CXCL17: variants seen among roughly 807,000 people sequenced by gnomAD.
CXCL17 encodes the protein C-X-C motif chemokine ligand 17.
A neutral mutation model predicts 15.5 loss-of-function variants in CXCL17; 9 were observed. The observed-to-expected ratio is 0.58, with a 90% CI of 0.35 to 1.01. The LOEUF is 1.01. Ranked by LOEUF, CXCL17 falls within the 50% of genes least tolerant of loss-of-function variation. CXCL17 has a pLI of 0.02. For missense variants in CXCL17, 133 were observed against 138.2 expected (o/e 0.96, Z 0.19); for synonymous variants, 52 against 52.3 (o/e 0.99, Z 0.02).
intron 1 of CXCL17, among the ~76,000 whole-genome samples, chr19:42,438,144 G>A (rs1216153981): frequency 2.0e-5 from 3 of 151,334 alleles, no homozygotes; most frequent in African/African-American, 7.3e-5. Flanking sequence ...GGATCACGAG[G>A]TCAGGAGATT....
At chr19:42,432,331 G>A (rs1167463668) in intron 3 of CXCL17, among the ~76,000 whole-genome samples, 5 of 151,918 alleles carry the variant, frequency 3.3e-5, no homozygotes, top group African/African-American at 1.2e-4. Flanking sequence ...TTTTAGTAGA[G>A]ACGGGGTTTC....
At chr19:42,439,405 C>T (rs1198050105) in intron 1 of CXCL17, among the ~76,000 whole-genome samples, 1 of 151,488 alleles carries the variant, frequency 6.6e-6, no homozygotes, top group Non-Finnish European at 1.5e-5. Flanking sequence ...AACAATCATC[C>T]ATAGATTCTA....
intron 1 of CXCL17, among the ~76,000 whole-genome samples, chr19:42,440,795 G>C (rs780372951): frequency 6.6e-6 from 1 of 152,188 alleles, no homozygotes; most frequent in Non-Finnish European, 1.5e-5. Context: ...GAGTCTAAAA[G>C]TGTGGCCATG....
At chr19:42,438,382 ATATAT>A (rs1194608016) in intron 1 of CXCL17, among the ~76,000 whole-genome samples, 3 of 50,076 alleles carry the variant, frequency 6.0e-5, no homozygotes, top group African/African-American at 3.4e-4. Context: ...AAAAAAAAAA[ATATAT>A]ATATATATAT....
intron 1 of CXCL17, among the ~76,000 whole-genome samples, chr19:42,438,323 A>G (rs535332901): frequency 7.9e-6 from 1 of 127,192 alleles, no homozygotes; most frequent in Non-Finnish European, 1.6e-5. Context: ...GCACCACTGC[A>G]CTCCAGCCTG....
rs1426490842 is a variant in CXCL17 at position 42,438,378 on chromosome 19, A to G, written c.79+4376T>C. ...TCAAAAAAAAAAAAAAAAAAAAAAA[A>G]AAAATATATATATATATATATATAT... On this transcript the variant is annotated intron_variant, in intron 1 of 3. Transcript: ENST00000601181. Among the ~76,000 whole-genome samples the G allele has an allele frequency of 3.8e-5, 4 of 104,332 alleles. No homozygotes were observed. In the East Asian group the frequency reaches 9.9e-4, roughly 26 times the overall value. 68.4% of individuals were successfully genotyped at this position (104,332 alleles called of 152,430 possible).
intron 1 of CXCL17, among the ~76,000 whole-genome samples, chr19:42,440,011 T>C (rs2040875932): frequency 6.6e-6 from 1 of 152,214 alleles, no homozygotes; most frequent in African/African-American, 2.4e-5. Context: ...AAGATATTGT[T>C]TGAAAACAAT....
chr19:42,432,908 C>T (rs535536751), intron 3 of CXCL17, 68 bp downstream of exon 3: 30 of 1,169,764 alleles, frequency 2.6e-5, no homozygotes, highest in African/African-American at 7.5e-5. Flanking sequence ...CTATTCTCAA[C>T]GTGCTTCTTC....
At position 42,433,805 on chromosome 19, in the gene CXCL17, T is replaced by C. The variant is rs556279461; in HGVS notation, c.131A>G (p.Gln44Arg). The C allele has an allele frequency of 2.5e-6, 4 of 1,614,078 alleles. No individual in the cohort carries two copies. In the East Asian group the frequency reaches 6.7e-5, roughly 27 times the overall value. ...GCACTCACATTCTTGGCCGCCTTCC[T>C]GGAGCCATCTCCTAGAAGCCTGGCC... ...DRGQASRRWL[Q>R]EGGQECECKD... The change falls in exon 2 of 4, where the codon CAG becomes CGG. Residue 44 changes from glutamine (Q) to arginine (R), a missense_variant. Coordinates refer to ENST00000601181, the MANE Select transcript of CXCL17 (RefSeq NM_198477.3).
intron 1 of CXCL17, among the ~76,000 whole-genome samples, chr19:42,442,476 G>A (rs967404223): frequency 7.2e-5 from 11 of 151,952 alleles, no homozygotes; most frequent in South Asian, 2.1e-4. Flanking sequence ...CTTGTAATCC[G>A]CCCTGCCTTG....
chr19:42,436,598 C>T (rs944500538), intron 1 of CXCL17, among the ~76,000 whole-genome samples: 5 of 152,028 alleles, frequency 3.3e-5, no homozygotes, highest in Admixed American at 2.0e-4. Flanking sequence ...TTGTTACCTA[C>T]ATATGCTTTT....
At position 42,442,771 on chromosome 19, in the gene CXCL17, G is replaced by A. The variant is rs145214131; in HGVS notation, c.62C>T (p.Ser21Phe). ...TTGTTTACCTGGATTCAGGCTGCTA[G>A]AGACCATGGACATCAGCATTAGTGG... ...LLPLMLMSMV[S>F]SSLNPGVARG... The change falls in exon 1 of 4, where the codon TCT becomes TTT. Residue 21 changes from serine to phenylalanine, a missense_variant. By Grantham distance (155) the Ser-to-Phe change is radical. Transcript: ENST00000601181. The A allele has an allele frequency of 1.9e-5, 31 of 1,612,626 alleles. No homozygotes were observed. The African/African-American group carries it at 3.5e-4, about 18-fold the overall frequency.
At chr19:42,437,254 T>A (rs2040843324) in intron 1 of CXCL17, among the ~76,000 whole-genome samples, 1 of 152,190 alleles carries the variant, frequency 6.6e-6, no homozygotes, top group Non-Finnish European at 1.5e-5. Context: ...ACTTTTTCTC[T>A]AAACAAATTT....
chr19:42,428,657 TA>T lies in CXCL17; in HGVS notation c.*226del. On this transcript the variant is annotated 3_prime_UTR_variant, in exon 4 of 4. Transcript: ENST00000601181. ...CTGGAATCTTTCAGGTAATTAAGCC[TA>T]AGCCTGGGTAAGGGGAGGGCACAGG... 2 of 442,776 alleles carry T rather than the reference TA, an allele frequency of 4.5e-6. No homozygotes were observed. Among genetic ancestry groups the T allele is most frequent in the African/African-American group, 2.0e-5 (1 of 50,524 alleles). 27.4% of individuals were successfully genotyped at this position (442,776 alleles called of 1,614,324 possible).
intron 1 of CXCL17, among the ~76,000 whole-genome samples, chr19:42,436,976 C>T (rs1045663309): frequency 2.0e-4 from 31 of 152,152 alleles, no homozygotes; most frequent in African/African-American, 6.5e-4. Context: ...CTCACTCTGT[C>T]GCCCAGGCTG....
intron 1 of CXCL17, among the ~76,000 whole-genome samples, chr19:42,440,371 T>A (rs1214368930): frequency 6.6e-6 from 1 of 152,150 alleles, no homozygotes; most frequent in Non-Finnish European, 1.5e-5. Context: ...TATTCTGAGA[T>A]TTATTTTGGG....
At chr19:42,441,239 A>T (rs1252123540) in intron 1 of CXCL17, among the ~76,000 whole-genome samples, 1 of 152,176 alleles carries the variant, frequency 6.6e-6, no homozygotes, top group Non-Finnish European at 1.5e-5. Flanking sequence ...AAGGCAGCAG[A>T]TGATAAGTGC....
chr19:42,442,255 A>T (rs772946596), intron 1 of CXCL17, among the ~76,000 whole-genome samples: 21 of 103,950 alleles, frequency 2.0e-4, no homozygotes, highest in Non-Finnish European at 3.3e-4. Flanking sequence ...TTTTTTTGAG[A>T]TGGAGTCTCA....
intron 3 of CXCL17, among the ~76,000 whole-genome samples, chr19:42,430,024 A>T (rs1457217287): frequency 6.6e-6 from 1 of 151,828 alleles, no homozygotes; most frequent in East Asian, 1.9e-4. Context: ...AAAATTAGCC[A>T]GGCATGGTGG....
Sources: allele counts gnomAD v4.1 joint callset (sites outside exome capture counted in the v4.1 genomes callset), GRCh38; gene constraint gnomAD v4.1.1; transcripts MANE v1.5; gene names NCBI Gene and HGNC (gene_info 2026-07-23, HGNC 2026-07-21).